RANBP9: variants seen among roughly 807,000 people sequenced by gnomAD.
The protein encoded by RANBP9 is ran-binding protein 9.
In RANBP9, 15 loss-of-function variants were observed where a neutral mutation model predicts 84.3. The observed-to-expected ratio is 0.18, with a 90% confidence interval of 0.12 to 0.27. The LOEUF is 0.27. Ranked by LOEUF, RANBP9 falls within the 10% of genes least tolerant of loss-of-function variation. The pLI is 1.00. For missense variants in RANBP9, 809 were observed against 912.8 expected, an observed-to-expected ratio of 0.89 and a Z score of 1.46; for synonymous variants, 392 against 349.6, an observed-to-expected ratio of 1.12 and a Z score of -1.35.
intron 2 of RANBP9, among the ~76,000 whole-genome samples, chr6:13,661,387 T>C (rs978362732): frequency 1.3e-5 from 2 of 151,728 alleles, no homozygotes; most frequent in Non-Finnish European, 2.9e-5. Context: ...AAAAGACAGA[T>C]GGGCAAAATG....
intron 2 of RANBP9, among the ~76,000 whole-genome samples, chr6:13,681,819 G>A (rs971311685): frequency 2.6e-5 from 4 of 151,684 alleles, no homozygotes; most frequent in African/African-American, 9.7e-5. Flanking sequence ...TTACCTGAAG[G>A]GGGAAGAAAA....
intron 13 of RANBP9, among the ~76,000 whole-genome samples, chr6:13,623,430 G>T (rs768332421): frequency 6.6e-6 from 1 of 152,034 alleles, no homozygotes; most frequent in Non-Finnish European, 1.5e-5. Context: ...TTTCCAAAAG[G>T]GAAAAAGCAC....
intron 1 of RANBP9, among the ~76,000 whole-genome samples, chr6:13,701,514 T>G (rs1757970391): frequency 6.6e-6 from 1 of 152,200 alleles, no homozygotes; most frequent in Non-Finnish European, 1.5e-5. Context: ...GGCTCACACC[T>G]GTAATCCCAG....
intron 2 of RANBP9, among the ~76,000 whole-genome samples, chr6:13,662,573 C>T (rs542433823): frequency 6.6e-6 from 1 of 152,156 alleles, no homozygotes; most frequent in Admixed American, 6.6e-5. Flanking sequence ...GATTTTTGCC[C>T]TAATAAAAGA....
intron 1 of RANBP9, among the ~76,000 whole-genome samples, chr6:13,709,644 TG>T (rs1191070313): frequency 2.6e-4 from 40 of 152,248 alleles, no homozygotes; most frequent in African/African-American, 9.2e-4. Context: ...GGATAACACT[TG>T]GAAGTACTTC....
chr6:13,680,876 G>C (rs922295957), intron 2 of RANBP9, among the ~76,000 whole-genome samples: 1 of 152,054 alleles, frequency 6.6e-6, no homozygotes, highest in Non-Finnish European at 1.5e-5. Context: ...GGACTTAAAA[G>C]AATATTGTTC....
At chr6:13,694,301 A>G (rs950348160) in intron 2 of RANBP9, among the ~76,000 whole-genome samples, 1 of 152,252 alleles carries the variant, frequency 6.6e-6, no homozygotes, top group African/African-American at 2.4e-5. Context: ...ACTTTGGTTC[A>G]CTTATCTACA....
At chr6:13,633,474 C>G (rs1226162134) in intron 11 of RANBP9, among the ~76,000 whole-genome samples, 1 of 152,154 alleles carries the variant, frequency 6.6e-6, no homozygotes, top group Non-Finnish European at 1.5e-5. Context: ...TTGGATTATT[C>G]ATTTACTTTC....
At chr6:13,652,803 T>A in intron 4 of RANBP9, 122 bp from the exon 5 acceptor site, 1 of 809,792 alleles carries the variant, frequency 1.2e-6, no homozygotes, top group Non-Finnish European at 2.0e-6. Flanking sequence ...AAAGCCTAAA[T>A]AAAAAATAAC....
intron 2 of RANBP9, among the ~76,000 whole-genome samples, chr6:13,659,251 C>A (rs1488919470): frequency 8.6e-6 from 1 of 116,876 alleles, no homozygotes; most frequent in African/African-American, 3.1e-5. Flanking sequence ...CCCACACACA[C>A]ACACATACAC....
At chr6:13,628,123 A>G (rs980820948) in intron 12 of RANBP9, among the ~76,000 whole-genome samples, 2 of 151,308 alleles carry the variant, frequency 1.3e-5, no homozygotes, top group African/African-American at 4.9e-5. Context: ...ATAATCATCT[A>G]AAGTTGTTAT....
rs369838281 is a variant in RANBP9, at chr6:13,657,094, A to G, written c.904+15T>C. 4.9e-5 allele frequency: 77 copies of G among 1,586,516 alleles called. No homozygotes were observed. The Middle Eastern group carries it at 1.2e-3, about 24-fold the overall frequency. ...CATATTTGGTTATTTTGCATGCAAT[A>G]TATTATCTCAGTACCTAAACTATGT... On this transcript the variant is annotated intron_variant, in intron 4 of 13. Coordinates refer to ENST00000011619, the MANE Select transcript of RANBP9 (RefSeq NM_005493.3).
rs374538732 is a variant in RANBP9 at position 13,689,004 on chromosome 6, A to AAAAAAAAAAAAAAAG, written c.683+7780_683+7781insCTTTTTTTTTTTTTT. Among the ~76,000 whole-genome samples, 25 of 108,990 alleles carry AAAAAAAAAAAAAAAG rather than the reference A, an allele frequency of 2.3e-4. 5 individuals are homozygous for AAAAAAAAAAAAAAAG. Among genetic ancestry groups the AAAAAAAAAAAAAAAG allele is most frequent in the African/African-American group, 5.1e-4 (14 of 27,640 alleles). 71.5% of individuals were successfully genotyped at this position (108,990 alleles called of 152,430 possible). A position where few individuals can be genotyped will look rare whatever the true frequency, so the allele number is the denominator to read the frequency against. On this transcript the variant is annotated intron_variant, in intron 2 of 13. Coordinates refer to ENST00000011619, the MANE Select transcript of RANBP9 (RefSeq NM_005493.3). ...CCACAAAAAAAAAAAAAAAAAAAAAATGCTGGGCATGGTGACGCACACCCA... is the reference window on the plus strand; with the variant it reads ...CCACAAAAAAAAAAAAAAAAAAAAAAAAAAAAAAAAAAAAGTGCTGGGCATGGTGACGCACACCCA...
chr6:13,624,590 T>C (rs928724856), intron 13 of RANBP9, among the ~76,000 whole-genome samples: 3 of 152,228 alleles, frequency 2.0e-5, no homozygotes, highest in African/African-American at 7.2e-5. Context: ...CTATCACATT[T>C]ATATAGAAAT....
At chr6:13,686,198 G>T (rs1055120791) in intron 2 of RANBP9, among the ~76,000 whole-genome samples, 2 of 142,452 alleles carry the variant, frequency 1.4e-5, no homozygotes, top group African/African-American at 5.2e-5. Context: ...TTGACCTCCT[G>T]GGCTCAAGCG....
chr6:13,666,545 G>A (rs2113298982), intron 2 of RANBP9, among the ~76,000 whole-genome samples: 1 of 146,080 alleles, frequency 6.8e-6, no homozygotes, highest in African/African-American at 2.5e-5. Context: ...GGAGGCCATG[G>A]TGAGAGAAGC....
At chr6:13,657,307 G>T (rs1306255911) in intron 3 of RANBP9, 31 bp from the exon 4 acceptor site, 1 of 1,575,344 alleles carries the variant, frequency 6.3e-7, no homozygotes, top group Non-Finnish European at 8.7e-7. Context: ...TATTTACAAT[G>T]AAAAGTAAGG....
chr6:13,661,206 T>C (rs1765532119), intron 2 of RANBP9, among the ~76,000 whole-genome samples: 1 of 152,196 alleles, frequency 6.6e-6, no homozygotes, highest in African/African-American at 2.4e-5. Flanking sequence ...AGAAACCTCT[T>C]AACCAGGATC....
chr6:13,658,711 T>G (rs1386747039), intron 3 of RANBP9, 69 bp downstream of exon 3: 4 of 1,252,538 alleles, frequency 3.2e-6, no homozygotes, highest in Non-Finnish European at 4.6e-6. Context: ...TTACAATTTC[T>G]TACTTGAAAA....
Sources: gnomAD v4.1 joint callset for allele counts (sites outside exome capture counted in the v4.1 genomes callset) on GRCh38, gnomAD v4.1.1 for gene constraint, MANE v1.5 for transcripts, NCBI Gene and HGNC (gene_info 2026-07-23, HGNC 2026-07-21) for gene names.